Variants in FOXP1 observed in about 807,000 individuals in gnomAD.
FOXP1 encodes forkhead box P1.
In FOXP1, 15 loss-of-function variants were observed where a neutral mutation model predicts 98.2. The observed-to-expected ratio is 0.15, with a 90% confidence interval of 0.10 to 0.24. FOXP1 has a LOEUF of 0.24. Among genes scored for constraint, FOXP1 ranks in the 10% least tolerant of loss-of-function variants. FOXP1 has a pLI of 1.00. For synonymous variants in FOXP1, 371 were observed against 314.5 expected, an observed-to-expected ratio of 1.18 and a Z score of -1.90; for missense variants, 633 against 848.5, an observed-to-expected ratio of 0.75 and a Z score of 3.15.
intron 2 of FOXP1, among the ~76,000 whole-genome samples, chr3:71,511,516 C>G (rs145916788): frequency 6.6e-6 from 1 of 152,000 alleles, no homozygotes; most frequent in African/African-American, 2.4e-5. Flanking sequence ...AAAAAAATTA[C>G]CCCAACCCCA....
At chr3:71,174,823 CA>C (rs1560064159) in intron 6 of FOXP1, among the ~76,000 whole-genome samples, 36 of 151,336 alleles carry the variant, frequency 2.4e-4, no homozygotes, top group South Asian at 6.3e-4. Context: ...CACACACACA[CA>C]CACCCCAATA....
chr3:71,541,983 G>A (rs757476450), intron 2 of FOXP1: 30 of 533,834 alleles, frequency 5.6e-5, no homozygotes, highest in Non-Finnish European at 1.1e-4. Context: ...TTTTCAGTAT[G>A]AAAGAAACCA....
chr3:71,525,994 G>A (rs1005845045), intron 2 of FOXP1, among the ~76,000 whole-genome samples: 4 of 151,998 alleles, frequency 2.6e-5, no homozygotes, highest in Non-Finnish European at 4.4e-5. Context: ...GGTGGTGGGC[G>A]CCTGTAATCC....
chr3:71,208,304 A>G lies in FOXP1; in HGVS notation c.-11-9912T>C, dbSNP rs187434079. On this transcript the variant is annotated intron_variant, in intron 5 of 20. Coordinates refer to ENST00000649528, the MANE Select transcript of FOXP1 (RefSeq NM_001349338.3). Reference sequence around the variant, plus strand: ...GAAATTTCTAGCCATCTGATGCTCTATTACTGAGCTAGTGGCCTTTCAGGA... The same window carrying G: ...GAAATTTCTAGCCATCTGATGCTCTGTTACTGAGCTAGTGGCCTTTCAGGA... Among the ~76,000 whole-genome samples the G allele has an allele frequency of 4.1e-3, 618 of 152,268 alleles. 2 individuals are homozygous for G. Among genetic ancestry groups the G allele is most frequent in the Non-Finnish European group, 6.7e-3 (456 of 68,004 alleles).
intron 2 of FOXP1, among the ~76,000 whole-genome samples, chr3:71,518,957 T>C (rs778500016): frequency 5.9e-5 from 9 of 152,206 alleles, no homozygotes; most frequent in Non-Finnish European, 1.0e-4. Flanking sequence ...GATAAAATAA[T>C]GTGTGAGGCC....
intron 5 of FOXP1, among the ~76,000 whole-genome samples, chr3:71,202,071 T>C (rs542336846): frequency 2.0e-5 from 3 of 152,290 alleles, no homozygotes; most frequent in Admixed American, 6.5e-5. Context: ...ACCATTCTGG[T>C]GGGTGGAGTA....
At chr3:71,165,840 C>CA (rs1378152461) in intron 6 of FOXP1, among the ~76,000 whole-genome samples, 9 of 152,110 alleles carry the variant, frequency 5.9e-5, no homozygotes, top group Non-Finnish European at 1.0e-4. Context: ...CAACAGGCTC[C>CA]ATCAGCCACC....
Position 71,343,784 on chromosome 3 carries a change from C to T in FOXP1, c.-73+15366G>A, listed in dbSNP as rs137877466. Among the ~76,000 whole-genome samples the T allele has an allele frequency of 6.9e-3, 1,056 of 152,216 alleles. 30 individuals are homozygous for T. The highest frequency in any genetic ancestry group is 4.1e-3 in the Non-Finnish European group (282 of 68,024). On this transcript the variant is annotated intron_variant, in intron 4 of 20. Transcript: ENST00000649528. ...CCTTAAGTGATCTGCCCGCCTTGGCCTCCCAATGTGCTGGGATTACAGGCA... is the reference window on the plus strand; with the variant it reads ...CCTTAAGTGATCTGCCCGCCTTGGCTTCCCAATGTGCTGGGATTACAGGCA...
At chr3:71,446,070 T>C (rs902025457) in intron 3 of FOXP1, among the ~76,000 whole-genome samples, 1 of 151,652 alleles carries the variant, frequency 6.6e-6, no homozygotes, top group Non-Finnish European at 1.5e-5. Context: ...AGTGAGTGAG[T>C]GAGTGAGTGA....
At chr3:71,465,854 G>T (rs566822716) in intron 3 of FOXP1, among the ~76,000 whole-genome samples, 1 of 152,304 alleles carries the variant, frequency 6.6e-6, no homozygotes, top group African/African-American at 2.4e-5. Context: ...AGCGGCATTG[G>T]ATTCTCACAG....
In FOXP1 at chr3:71,424,693, C is replaced by A. The variant is rs369013791; in HGVS notation, c.-167-65449G>T. ...TAATTTCCAAGCCATCATAGGAAAA[C>A]CACCAAAACAAGGTTGGTGTCACTG... On this transcript the variant is annotated intron_variant, in intron 3 of 20. Coordinates refer to ENST00000649528, the MANE Select transcript of FOXP1 (RefSeq NM_001349338.3). 9.2e-5 allele frequency among the ~76,000 whole-genome samples: 14 copies of A among 152,336 alleles called. No individual in the cohort carries two copies. In the East Asian group the frequency reaches 1.7e-3, roughly 19 times the overall value.
At chr3:71,314,551 A>ATATATATATATC (rs1447862187) in intron 4 of FOXP1, among the ~76,000 whole-genome samples, 1 of 150,638 alleles carries the variant, frequency 6.6e-6, no homozygotes, top group African/African-American at 2.4e-5. Context: ...ATATATATAT[A>ATATATATATATC]TCTGGCTGTC....
At chr3:71,324,972 AT>A (rs2075599786) in intron 4 of FOXP1, among the ~76,000 whole-genome samples, 1 of 151,990 alleles carries the variant, frequency 6.6e-6, no homozygotes, top group Non-Finnish European at 1.5e-5. Flanking sequence ...CCCAGCTGCC[AT>A]TTGGGAATGT....
chr3:70,997,660 A>C (rs972280012), intron 13 of FOXP1, among the ~76,000 whole-genome samples: 1 of 152,186 alleles, frequency 6.6e-6, no homozygotes, highest in Non-Finnish European at 1.5e-5. Context: ...TGGTGTTCTC[A>C]AGAACCTGTT....
intron 3 of FOXP1, among the ~76,000 whole-genome samples, chr3:71,372,619 T>G (rs905489803): frequency 2.0e-5 from 3 of 152,204 alleles, no homozygotes; most frequent in Admixed American, 6.5e-5. Flanking sequence ...TCCTGCCATC[T>G]ACAGCACAAT....
At chr3:70,959,466 G>A in intron 20 of FOXP1, 75 bp from the exon 21 acceptor site, 2 of 1,571,170 alleles carry the variant, frequency 1.3e-6, no homozygotes, top group Non-Finnish European at 1.7e-6. Context: ...AAAAGTTTGG[G>A]GCAACAGAAA....
intron 7 of FOXP1, among the ~76,000 whole-genome samples, chr3:71,100,908 T>C (rs1457644105): frequency 2.0e-5 from 3 of 152,124 alleles, no homozygotes; most frequent in African/African-American, 7.2e-5. Flanking sequence ...CATGGTATGA[T>C]ACATAACGGT....
At chr3:71,562,612 A>T (rs889524695) in intron 2 of FOXP1, among the ~76,000 whole-genome samples, 1 of 152,206 alleles carries the variant, frequency 6.6e-6, no homozygotes, top group African/African-American at 2.4e-5. Flanking sequence ...TATCCTTACA[A>T]CAACCCAGAC....
intron 4 of FOXP1, among the ~76,000 whole-genome samples, chr3:71,323,244 C>A (rs530923555): frequency 1.5e-4 from 23 of 152,168 alleles, no homozygotes; most frequent in African/African-American, 5.5e-4. Flanking sequence ...TTTAAACTCC[C>A]AAAATGACCA....
Sources: allele counts gnomAD v4.1 joint callset (sites outside exome capture counted in the v4.1 genomes callset), GRCh38; gene constraint gnomAD v4.1.1; transcripts MANE v1.5; gene names NCBI Gene and HGNC (gene_info 2026-07-23, HGNC 2026-07-21).